DDHD2: variants seen among roughly 807,000 people sequenced by gnomAD.
The protein encoded by DDHD2 is triacylglycerol hydrolase DDHD2.
DDHD2 carries 62 observed loss-of-function variants against 91.2 expected under a neutral mutation model. The ratio of observed to expected loss-of-function variants is 0.68; its 90% CI spans 0.55 to 0.84. DDHD2 has a LOEUF of 0.84. Among genes scored for constraint, DDHD2 ranks in the 40% least tolerant of loss-of-function variants. The pLI is 0.00. For missense variants in DDHD2, 740 were observed against 846.9 expected (o/e 0.87, Z 1.57); for synonymous variants, 271 against 293.9 (o/e 0.92, Z 0.80).
chr8:38,251,922 G>T lies in DDHD2; in HGVS notation c.1355G>T (p.Arg452Ile). Reference protein sequence around the residue: ...STRKNSMGIKRPAPQPASGAN... With the variant: ...STRKNSMGIKIPAPQPASGAN... ...TTTTTTATTCTTTAGGGTATTAAGA[G>T]ACCAGCCCCGCAGCCTGCTTCAGGG... The change falls in exon 12 of 18, where the codon AGA becomes ATA. Residue 452 changes from arginine (R) to isoleucine (I), a missense_variant. Coordinates refer to ENST00000397166, the MANE Select transcript of DDHD2 (RefSeq NM_015214.3). 1.2e-6 allele frequency: 2 copies of T among 1,613,566 alleles called. No homozygotes were observed. The highest frequency in any genetic ancestry group is 1.1e-5 in the South Asian group (1 of 91,028).
downstream of DDHD2, chr8:38,263,643 G>A (rs868406889): frequency 5.1e-6 from 5 of 985,182 alleles, no homozygotes; most frequent in Non-Finnish European, 6.0e-6. Flanking sequence ...CCCTAGATTC[G>A]ACATTTTCCT....
Position 38,253,020 on chromosome 8 carries a change from G to T in DDHD2, c.1784G>T (p.Arg595Leu). The T allele has an allele frequency of 6.2e-7, 1 of 1,614,094 alleles. No individual in the cohort carries two copies. The highest frequency in any genetic ancestry group is 8.5e-7 in the Non-Finnish European group (1 of 1,180,020). ...DLKNNLLGSL[R>L]MAWKSFTRAP... ...AAGAACAACTTGCTAGGTTCGCTGC[G>T]GATGGCCTGGAAGTCTTTTACCAGA... Residue 595 changes from arginine (R) to leucine (L), a missense_variant, in exon 15 of 18, where the codon CGG (arginine) becomes CTG (leucine). Coordinates refer to ENST00000397166, the MANE Select transcript of DDHD2 (RefSeq NM_015214.3).
downstream of DDHD2, chr8:38,271,794 C>T (rs1242261897): frequency 6.6e-6 from 1 of 152,216 alleles, no homozygotes; most frequent in East Asian, 1.9e-4. Context: ...ATGTCAGCTT[C>T]CCAGCTGTGA....
intron 3 of DDHD2, 58 bp from the exon 4 acceptor site, chr8:38,237,480 G>T: frequency 1.3e-6 from 1 of 771,708 alleles, no homozygotes; most frequent in East Asian, 2.6e-5. Flanking sequence ...CTTGTTAATA[G>T]GTTCAGTTTA....
In DDHD2 at chr8:38,238,228, T is replaced by G. The variant is rs761959685; in HGVS notation, c.622+19T>G. 1 of 1,613,338 alleles carries G rather than the reference T, an allele frequency of 6.2e-7. No homozygotes were observed. Among genetic ancestry groups the G allele is most frequent in the South Asian group, 1.1e-5 (1 of 90,980 alleles). ...CATTGTGGTAATGTTAATCGTTTAT[T>G]TTTTCTTACCTTTGGATGTATTTGT... On this transcript the variant is annotated intron_variant, in intron 5 of 17. Coordinates refer to ENST00000397166, the MANE Select transcript of DDHD2 (RefSeq NM_015214.3).
At chr8:38,267,781 G>C (rs550941527), downstream of DDHD2, 1 of 1,082,290 alleles carries the variant, frequency 9.2e-7, no homozygotes, top group Non-Finnish European at 1.4e-6. Flanking sequence ...AGAAAAATCA[G>C]AGTGAAGATA....
chr8:38,234,722 A>C, intron 3 of DDHD2, 138 bp downstream of exon 3: 2 of 649,936 alleles, frequency 3.1e-6, no homozygotes, highest in Non-Finnish European at 4.9e-6. Context: ...ATAATAAAGC[A>C]TTTCTATTTA....
At chr8:38,241,680 A>G (rs1805276672) in intron 6 of DDHD2, among the ~76,000 whole-genome samples, 1 of 150,972 alleles carries the variant, frequency 6.6e-6, no homozygotes, top group Non-Finnish European at 1.5e-5. Context: ...TGGCCCCCCA[A>G]AGTGCTGGGA....
At chr8:38,254,732 T>G (rs1806375761) in intron 16 of DDHD2, among the ~76,000 whole-genome samples, 1 of 151,914 alleles carries the variant, frequency 6.6e-6, no homozygotes, top group South Asian at 2.1e-4. Context: ...TGATGCTTAT[T>G]GAAATTCAGG....
intron 2 of DDHD2, among the ~76,000 whole-genome samples, 168 bp from the exon 3 acceptor site, chr8:38,234,226 A>G (rs922699416): frequency 6.6e-6 from 1 of 152,210 alleles, no homozygotes; most frequent in Admixed American, 6.5e-5. Context: ...TTTGTAAAGT[A>G]GGTAGTGAAA....
intron 3 of DDHD2, among the ~76,000 whole-genome samples, chr8:38,235,993 A>T (rs992651150): frequency 2.0e-5 from 3 of 152,066 alleles, no homozygotes; most frequent in Admixed American, 6.6e-5. Flanking sequence ...ATTTTTCTTT[A>T]AATTGGAGTA....
chr8:38,247,965 T>C (rs1010837938), intron 10 of DDHD2, 130 bp downstream of exon 10: 2 of 710,768 alleles, frequency 2.8e-6, no homozygotes, highest in Non-Finnish European at 4.3e-6. Context: ...CTTAGCATTA[T>C]TTATTTGCTT....
At chr8:38,235,752 G>C (rs1442226664) in intron 3 of DDHD2, among the ~76,000 whole-genome samples, 1 of 150,948 alleles carries the variant, frequency 6.6e-6, no homozygotes, top group African/African-American at 2.4e-5. Flanking sequence ...GGGCACAGTG[G>C]CTCTCACCTG....
chr8:38,257,916 C>T (rs556144211), intron 16 of DDHD2, among the ~76,000 whole-genome samples: 1 of 152,124 alleles, frequency 6.6e-6, no homozygotes, highest in South Asian at 2.1e-4. Context: ...CCACCTCAGC[C>T]TCCCAAAGTG....
rs992499031 is a variant in DDHD2, at chr8:38,250,348, C to T, written c.1344+545C>T. The T allele has an allele frequency of 5.9e-5, 9 of 151,958 alleles. 1 individual carries two copies. Among genetic ancestry groups the T allele is most frequent in the African/African-American group, 2.2e-4 (9 of 41,300 alleles). The allele number at this position is 151,958 out of a possible 1,614,324, so 9.4% of individuals were successfully genotyped here. On this transcript the variant is annotated intron_variant, in intron 11 of 17. Coordinates refer to ENST00000397166, the MANE Select transcript of DDHD2 (RefSeq NM_015214.3). The stretch of plus-strand genomic sequence containing the variant: ...GGGTGGTCTCGGCTCACTGCAACCT[C>T]CACCTTCCAGGTTCAAGCAATTCTC...
chr8:38,249,917 C>T (rs1805975954), intron 11 of DDHD2, 114 bp downstream of exon 11: 1 of 612,314 alleles, frequency 1.6e-6, no homozygotes, highest in Non-Finnish European at 2.8e-6. Flanking sequence ...GGTAATTGAT[C>T]TTTGGCTCTT....
At chr8:38,236,641 G>A (rs1179820156) in intron 3 of DDHD2, among the ~76,000 whole-genome samples, 13 of 151,850 alleles carry the variant, frequency 8.6e-5, no homozygotes, top group Non-Finnish European at 1.8e-4. Context: ...TCAGCCTCCC[G>A]AGTAGCTGGG....
At chr8:38,245,469 T>G (rs1285747892) in intron 7 of DDHD2, among the ~76,000 whole-genome samples, 2 of 152,110 alleles carry the variant, frequency 1.3e-5, no homozygotes, top group Non-Finnish European at 2.9e-5. Context: ...TAATTTATTT[T>G]CTTGATTACC....
At chr8:38,245,652 T>C (rs1585729990) in intron 7 of DDHD2, 90 bp from the exon 8 acceptor site, 1 of 1,164,492 alleles carries the variant, frequency 8.6e-7, no homozygotes, top group African/African-American at 1.5e-5. Flanking sequence ...AATTGTTTGT[T>C]ATAAAATGTT....
Sources: gnomAD v4.1 joint callset for allele counts (sites outside exome capture counted in the v4.1 genomes callset) on GRCh38, gnomAD v4.1.1 for gene constraint, MANE v1.5 for transcripts, NCBI Gene and HGNC (gene_info 2026-07-23, HGNC 2026-07-21) for gene names.